Variants in PCDH7 observed in about 807,000 individuals in gnomAD.
PCDH7 encodes the protein protocadherin 7.
PCDH7 carries 17 observed loss-of-function variants against 58.9 expected under a neutral mutation model. That is an observed-to-expected ratio of 0.29 (90% CI 0.20 to 0.43). The LOEUF (loss-of-function observed/expected upper bound fraction) is 0.43. Among genes scored for constraint, PCDH7 ranks in the 20% least tolerant of loss-of-function variants. PCDH7 has a pLI of 1.00. For missense variants in PCDH7, 1,274 were observed against 1,441.0 expected, an observed-to-expected ratio of 0.88 and a Z score of 1.88; for synonymous variants, 664 against 616.4, an observed-to-expected ratio of 1.08 and a Z score of -1.14.
chr4:30,725,267 T>G, intron 1 of PCDH7: 1 of 994,470 alleles, frequency 1.0e-6, no homozygotes, highest in Non-Finnish European at 1.2e-6. Flanking sequence ...GATATGCAAT[T>G]ACCATTTGCA....
chr4:30,768,389 T>C (rs1028820373), intron 1 of PCDH7, among the ~76,000 whole-genome samples: 1 of 152,028 alleles, frequency 6.6e-6, no homozygotes, highest in African/African-American at 2.4e-5. Flanking sequence ...CGGCTGAAAT[T>C]ATGTCACCAG....
At chr4:31,028,494 A>G (rs1341242199) in intron 3 of PCDH7, among the ~76,000 whole-genome samples, 1 of 152,128 alleles carries the variant, frequency 6.6e-6, no homozygotes, top group African/African-American at 2.4e-5. Flanking sequence ...TAAAAATAAA[A>G]TAAAATTTAA....
At chr4:30,867,044 A>G (rs762635456) in intron 1 of PCDH7, among the ~76,000 whole-genome samples, 3 of 151,964 alleles carry the variant, frequency 2.0e-5, no homozygotes, top group Non-Finnish European at 4.4e-5. Context: ...TGTTTTCTAC[A>G]CCTTTGCTTG....
At chr4:30,947,033 C>T (rs1746777049) in intron 2 of PCDH7, among the ~76,000 whole-genome samples, 1 of 152,052 alleles carries the variant, frequency 6.6e-6, no homozygotes, top group Non-Finnish European at 1.5e-5. Context: ...TCTTTTATCC[C>T]AGCTAAAGAA....
At chr4:30,806,784 T>C (rs893428188) in intron 1 of PCDH7, among the ~76,000 whole-genome samples, 2 of 152,008 alleles carry the variant, frequency 1.3e-5, no homozygotes, top group African/African-American at 4.8e-5. Context: ...TTCTGTAGCA[T>C]TTACTAAGGT....
At chr4:30,949,196 AT>A (rs1210390151) in intron 2 of PCDH7, among the ~76,000 whole-genome samples, 1 of 152,066 alleles carries the variant, frequency 6.6e-6, no homozygotes, top group Non-Finnish European at 1.5e-5. Context: ...ATACACATCT[AT>A]TTTTGCAAGT....
rs146471657 is a variant in PCDH7 at position 31,035,889 on chromosome 4, A to G, written c.*7+85674A>G. On this transcript the variant is annotated intron_variant, in intron 3 of 3. Coordinates refer to the PCDH7 transcript ENST00000509759. Reference sequence around the variant, plus strand: ...ATTTTTTGGCAGGTTTTAGAAATATATTTATGGTAGCGATAAGGGTTTCCT... The same window carrying G: ...ATTTTTTGGCAGGTTTTAGAAATATGTTTATGGTAGCGATAAGGGTTTCCT... Among the ~76,000 whole-genome samples, 45 of 152,320 alleles carry G rather than the reference A, an allele frequency of 3.0e-4. 2 individuals are homozygous for G. The highest frequency in any genetic ancestry group is 9.6e-4 in the African/African-American group (40 of 41,578).
intron 1 of PCDH7, among the ~76,000 whole-genome samples, chr4:30,775,752 C>A (rs1163500671): frequency 1.3e-5 from 2 of 152,020 alleles, no homozygotes. Context: ...TAAAAATTAG[C>A]CAGGCATGGT....
chr4:31,112,205 G>T (rs878992589), intron 3 of PCDH7, among the ~76,000 whole-genome samples: 1 of 152,066 alleles, frequency 6.6e-6, no homozygotes, highest in Non-Finnish European at 1.5e-5. Flanking sequence ...TAACTGATTA[G>T]TTTTGCTAAC....
intron 3 of PCDH7, among the ~76,000 whole-genome samples, chr4:30,958,088 C>T (rs1009896158): frequency 2.6e-5 from 4 of 151,970 alleles, no homozygotes; most frequent in African/African-American, 9.7e-5. Context: ...TAGATCAAAA[C>T]TAGGCAGAAC....
exon 4 of PCDH7, chr4:31,142,883 G>A (rs779196493): frequency 2.3e-6 from 3 of 1,318,138 alleles, no homozygotes; most frequent in East Asian, 4.6e-5. Context: ...TTCTTTACAT[G>A]TATGAAAAGG....
chr4:30,747,576 G>T (rs1717942400), intron 1 of PCDH7, among the ~76,000 whole-genome samples: 1 of 152,146 alleles, frequency 6.6e-6, no homozygotes, highest in South Asian at 2.1e-4. Flanking sequence ...ATGGCTAGTA[G>T]AATTTTTCTC....
intron 1 of PCDH7, among the ~76,000 whole-genome samples, chr4:30,778,890 T>C (rs1235252271): frequency 1.3e-5 from 2 of 151,874 alleles, no homozygotes; most frequent in African/African-American, 4.8e-5. Context: ...GCTTTCAATC[T>C]AAGGTCTGCA....
chr4:30,879,195 C>A (rs1196827728), intron 1 of PCDH7, among the ~76,000 whole-genome samples: 2 of 152,000 alleles, frequency 1.3e-5, no homozygotes, highest in East Asian at 3.9e-4. Context: ...CCTTCTCCTG[C>A]TTCCTCCATC....
At chr4:31,030,775 T>C (rs1754840602) in intron 3 of PCDH7, among the ~76,000 whole-genome samples, 1 of 152,214 alleles carries the variant, frequency 6.6e-6, no homozygotes, top group African/African-American at 2.4e-5. Context: ...ATAGAACTTG[T>C]CTATACCATT....
At chr4:31,090,121 A>G (rs1311513966) in intron 3 of PCDH7, among the ~76,000 whole-genome samples, 1 of 152,124 alleles carries the variant, frequency 6.6e-6, no homozygotes, top group African/African-American at 2.4e-5. Context: ...GCCTTCAGGA[A>G]TAACCTGCCA....
intron 3 of PCDH7, among the ~76,000 whole-genome samples, chr4:31,026,327 T>C (rs971127774): frequency 2.6e-5 from 4 of 152,202 alleles, no homozygotes; most frequent in African/African-American, 9.6e-5. Flanking sequence ...ATTTAAACTT[T>C]GCATTTTGAT....
rs925808492 is a variant in PCDH7 at position 30,821,956 on chromosome 4, C to A, written c.70+97360C>A. On this transcript the variant is annotated intron_variant, in intron 1 of 3. Transcript: ENST00000509759. ...ACCTTCTGAGCTATGTTCCTCGATG[C>A]TCAGTTTTTATTAACGGTTGAATTA... Among the ~76,000 whole-genome samples, 8 of 152,238 alleles carry A rather than the reference C, an allele frequency of 5.3e-5. No homozygotes were observed. The East Asian group carries it at 1.4e-3, about 26-fold the overall frequency.
chr4:31,011,339 A>C lies in PCDH7; in HGVS notation c.*7+61124A>C, dbSNP rs140233718. 1.6e-3 allele frequency among the ~76,000 whole-genome samples: 246 copies of C among 152,174 alleles called. 2 individuals carry two copies. Among genetic ancestry groups the C allele is most frequent in the African/African-American group, 5.7e-3 (236 of 41,578 alleles). ...TCAGTATGTCAGTTGAAATACGGTC[A>C]CTATTCTTGGAACTTGTTCTCTTTG... On this transcript the variant is annotated intron_variant, in intron 3 of 3. Transcript: ENST00000509759.
Sources: gnomAD v4.1 joint callset for allele counts (sites outside exome capture counted in the v4.1 genomes callset) on GRCh38, gnomAD v4.1.1 for gene constraint, MANE v1.5 for transcripts, NCBI Gene and HGNC (gene_info 2026-07-23, HGNC 2026-07-21) for gene names.